The following ATP13A1 variants were observed in gnomAD, a reference collection of about 807,000 sequenced individuals.
ATP13A1 encodes ATPase 13A1.
A neutral mutation model predicts 134.8 loss-of-function variants in ATP13A1; 55 were observed. The observed-to-expected ratio is 0.41, with a 90% CI of 0.33 to 0.51. The LOEUF (loss-of-function observed/expected upper bound fraction) is 0.51. ATP13A1 is among the 20% of genes least tolerant of loss of function. ATP13A1 has a pLI of 0.29. For synonymous variants in ATP13A1, 775 were observed against 725.1 expected (o/e 1.07, Z -1.10); for missense variants, 1,389 against 1,652.8 (o/e 0.84, Z 2.77).
chr19:19,655,128 G>A lies in ATP13A1; in HGVS notation c.1646C>T (p.Ala549Val). 6.2e-7 allele frequency: 1 copy of A among 1,613,816 alleles called. No homozygotes were observed. Among genetic ancestry groups the A allele is most frequent in the Non-Finnish European group, 8.5e-7 (1 of 1,179,860 alleles). ...GGCCCCTGATGCTTACCTCAGCCCGGCCACACCGCGCACCACCAGGCTGTC... is the reference window on the plus strand; with the variant it reads ...GGCCCCTGATGCTTACCTCAGCCCGACCACACCGCGCACCACCAGGCTGTC... The part of the protein sequence containing the change: ...TSDSLVVRGV[A>V]GLRDGKEVTP... Residue 549 changes from alanine (A) to valine (V), a missense_variant, in exon 12 of 26, where the codon GCC becomes GTC. By Grantham distance (64) the Ala-to-Val change is moderately conservative (BLOSUM62 0). Around this residue, in one of 4 missense-constraint regions of ATP13A1, gnomAD observed 747 missense variants for 956.1 expected, o/e 0.78. Coordinates refer to ENST00000357324, the MANE Select transcript of ATP13A1 (RefSeq NM_020410.3). The surrounding 1 kb of genome is among the most constrained non-coding windows in gnomAD (Gnocchi z 5.7).
Position 19,655,852 on chromosome 19 carries a change from C to A in ATP13A1, c.1269+26G>T. 2 of 1,564,132 alleles carry A rather than the reference C, an allele frequency of 1.3e-6. No homozygotes were observed. Among genetic ancestry groups the A allele is most frequent in the Non-Finnish European group, 1.7e-6 (2 of 1,160,464 alleles). ...TTGGCTGTCCAACTGCCCTGGGGCC[C>A]GCCCTCCCCAGACCTGGCCCCGCAC... On this transcript the variant is annotated intron_variant, in intron 9 of 25. Coordinates refer to ENST00000357324, the MANE Select transcript of ATP13A1 (RefSeq NM_020410.3). The surrounding 1 kb of genome is among the most constrained non-coding windows in gnomAD (Gnocchi z 5.7).
At position 19,655,473 on chromosome 19, in the gene ATP13A1, C is replaced by T. The variant is rs369062248; in HGVS notation, c.1397-20G>A. 3 of 1,613,964 alleles carry T rather than the reference C, an allele frequency of 1.9e-6. No homozygotes were observed. Among genetic ancestry groups the T allele is most frequent in the Non-Finnish European group, 2.5e-6 (3 of 1,179,872 alleles). ...TGGTACCTGTGGAGACAGGGCCTGC[C>T]AACCTGGAGCCTCGGAGGGTGGGCG... On this transcript the variant is annotated intron_variant, in intron 10 of 25. Transcript: ENST00000357324. This position sits in a 1 kb window ranked among gnomAD's most constrained non-coding sequence, Gnocchi z 5.7.
chr19:19,652,775 G>GC (rs1300687630), intron 15 of ATP13A1, 55 bp from the exon 16 acceptor site: 2 of 1,551,412 alleles, frequency 1.3e-6, no homozygotes, highest in Non-Finnish European at 8.7e-7. Context: ...CCCACACTCT[G>GC]CATTTCCTGA....
intron 13 of ATP13A1, 85 bp from the exon 14 acceptor site, chr19:19,654,229 C>T (rs987105994): frequency 2.2e-5 from 30 of 1,357,528 alleles, no homozygotes; most frequent in Non-Finnish European, 1.5e-5. Flanking sequence ...CCTCCCCCAC[C>T]TCCCTCCTGC....
chr19:19,652,765 C>T (rs1222592976), intron 15 of ATP13A1, 45 bp from the exon 16 acceptor site: 1 of 1,566,166 alleles, frequency 6.4e-7, no homozygotes, highest in Middle Eastern at 1.7e-4. Context: ...CCTCCCTCTG[C>T]CCACACTCTG....
chr19:19,663,275 G>A lies in ATP13A1; in HGVS notation c.392C>T (p.Thr131Ile), dbSNP rs1242597216. Residue 131 changes from threonine (T) to isoleucine (I), a missense_variant, in exon 1 of 26, where the codon ACC (threonine) becomes ATC (isoleucine). Physicochemically the swap from Thr to Ile is moderately conservative, Grantham distance 89. Around this residue, in one of 4 missense-constraint regions of ATP13A1, gnomAD observed 293 missense variants for 270.8 expected, o/e 1.08. Transcript: ENST00000357324. ...GGCTCGCGTGTACACACTTACCGGG[G>A]TGCAGGTGAGCGCGCAATGCGCGTG... The part of the protein sequence containing the change: ...SVHAHCALTC[T>I]PEYDPSKATF... 3 of 1,579,756 alleles carry A rather than the reference G, an allele frequency of 1.9e-6. No individual in the cohort carries two copies. Among genetic ancestry groups the A allele is most frequent in the Non-Finnish European group, 2.6e-6 (3 of 1,164,458 alleles).
chr19:19,659,123 C>A (rs1454350772), intron 3 of ATP13A1, among the ~76,000 whole-genome samples: 2 of 152,088 alleles, frequency 1.3e-5, no homozygotes, highest in Non-Finnish European at 2.9e-5. Context: ...GAGCATGTTG[C>A]TCAAGCGGCA....
At chr19:19,650,017 C>T in intron 17 of ATP13A1, 77 bp from the exon 18 acceptor site, 4 of 1,320,160 alleles carry the variant, frequency 3.0e-6, no homozygotes, top group Non-Finnish European at 4.1e-6. Context: ...ACTCGGACCC[C>T]AGCACCAGCC....
intron 17 of ATP13A1, 147 bp from the exon 18 acceptor site, chr19:19,650,087 C>A: frequency 2.9e-6 from 2 of 685,350 alleles, no homozygotes; most frequent in Non-Finnish European, 4.9e-6. Context: ...CAGCCCTTCT[C>A]TGGGGACTCC....
Position 19,652,512 on chromosome 19 carries a change from C to G in ATP13A1, c.2226+83G>C, listed in dbSNP as rs541879537. 2.0e-6 allele frequency: 3 copies of G among 1,497,250 alleles called. No homozygotes were observed. In the East Asian group the frequency reaches 7.3e-5, roughly 37 times the overall value. 92.7% of individuals were successfully genotyped at this position (1,497,250 alleles called of 1,614,324 possible). ...ACATGCAGCCTGTGAGACTTGGGTG[C>G]CCACCCCTACCACGAAGCTGTAATT... On this transcript the variant is annotated intron_variant, in intron 16 of 25. Coordinates refer to ENST00000357324, the MANE Select transcript of ATP13A1 (RefSeq NM_020410.3).
Position 19,659,644 on chromosome 19 carries a change from C to A in ATP13A1, c.634G>T (p.Asp212Tyr), listed in dbSNP as rs531803073. The A allele has an allele frequency of 2.5e-6, 4 of 1,613,756 alleles. No homozygotes were observed. In the African/African-American group the frequency reaches 4.0e-5, roughly 16 times the overall value. ...YYQSNRGFQE[D>Y]SEIRAAEKKF... ...TTCTCAGCTGCTCGGATCTCTGAGT[C>A]TTCCTGGAAGCCTCTGTTGCTCTGA... The change falls in exon 3 of 26, where the codon GAC becomes TAC. Residue 212 changes from aspartate to tyrosine, a missense_variant. By Grantham distance (160) the Asp-to-Tyr change is radical (BLOSUM62 -3). Around this residue, in one of 4 missense-constraint regions of ATP13A1, gnomAD observed 747 missense variants for 956.1 expected, o/e 0.78. Transcript: ENST00000357324.
Position 19,649,887 on chromosome 19 carries a change from G to A in ATP13A1, c.2389C>T (p.Arg797Trp), listed in dbSNP as rs200835318. ...AGGGCCAGTGCCTTTGGGGAGCCCC[G>A]GGCCAGGGGCAGCACGATGCTGCCG... ...IDGSIVLPLA[R>W]GSPKALALEY... Residue 797 changes from arginine to tryptophan, a missense_variant, in exon 18 of 26, where the codon CGG (arginine) becomes TGG (tryptophan). Coordinates refer to ENST00000357324, the MANE Select transcript of ATP13A1 (RefSeq NM_020410.3). The A allele has an allele frequency of 1.2e-5, 19 of 1,601,148 alleles. No individual in the cohort carries two copies. The highest frequency in any genetic ancestry group is 8.9e-5 in the East Asian group (4 of 44,848).
At chr19:19,646,016 T>C (rs769321759) in intron 23 of ATP13A1, 31 bp from the exon 24 acceptor site, 2 of 1,607,638 alleles carry the variant, frequency 1.2e-6, no homozygotes, top group Non-Finnish European at 1.7e-6. Context: ...CAGGGCCCCC[T>C]CTCCTGCTCC....
At chr19:19,646,084 G>C in intron 23 of ATP13A1, 99 bp from the exon 24 acceptor site, 1 of 1,587,862 alleles carries the variant, frequency 6.3e-7, no homozygotes, top group Non-Finnish European at 8.6e-7. Context: ...GGCTCTGCCT[G>C]GCCTAGTGCC....
chr19:19,662,379 C>T, intron 1 of ATP13A1: 1 of 984,684 alleles, frequency 1.0e-6, no homozygotes, highest in African/African-American at 1.7e-5. Context: ...GGGCTTCTGT[C>T]TTTCTGTAGC....
chr19:19,654,110 C>G lies in ATP13A1; in HGVS notation c.1848G>C (p.Gln616His). Residue 616 changes from glutamine (Q) to histidine (H), a missense_variant, in exon 14 of 26, where the codon CAG (glutamine) becomes CAC (histidine). Physicochemically the swap from Gln to His is conservative, Grantham distance 24. Around this residue, in one of 4 missense-constraint regions of ATP13A1, gnomAD observed 747 missense variants for 956.1 expected, o/e 0.78. Transcript: ENST00000357324. The stretch of plus-strand genomic sequence containing the variant: ...GAAAGCGCTGGTGAATTTTCAGCCC[C>G]TGAGTTTTAATACTTCGGGGGAATA... ...EKVFPRSIKT[Q>H]GLKIHQRFHF... 1 of 1,592,704 alleles carries G rather than the reference C, an allele frequency of 6.3e-7. No individual in the cohort carries two copies. Among genetic ancestry groups the G allele is most frequent in the Non-Finnish European group, 8.5e-7 (1 of 1,169,738 alleles).
chr19:19,661,380 G>A lies in ATP13A1; in HGVS notation c.397-1393C>T, dbSNP rs149901849. Among the ~76,000 whole-genome samples, 854 of 152,276 alleles carry A rather than the reference G, an allele frequency of 5.6e-3. 2 individuals are homozygous for A. Among genetic ancestry groups the A allele is most frequent in the Middle Eastern group, 0.031 (9 of 294 alleles). ...CTCCACACGCACATGGGGCTCGATCGTGCCTCAGCAAAGGGCCTTGGCATG... is the reference window on the plus strand; with the variant it reads ...CTCCACACGCACATGGGGCTCGATCATGCCTCAGCAAAGGGCCTTGGCATG... On this transcript the variant is annotated intron_variant, in intron 1 of 25. Transcript: ENST00000357324.
rs2062039045 is a variant in ATP13A1, at chr19:19,653,720, G to A, written c.2100+64C>T. On this transcript the variant is annotated intron_variant, in intron 15 of 25. Transcript: ENST00000357324. The surrounding 1 kb of genome is among the most constrained non-coding windows in gnomAD (Gnocchi z 4.2). The stretch of plus-strand genomic sequence containing the variant: ...AACCTGGCACTGTGGGACACAGGAG[G>A]TGACTCAGGGAGGAGCTGACGGGCC... The A allele has an allele frequency of 1.4e-6, 2 of 1,387,968 alleles. No homozygotes were observed. Among genetic ancestry groups the A allele is most frequent in the Non-Finnish European group, 2.0e-6 (2 of 1,009,774 alleles). The allele number at this position is 1,387,968 out of a possible 1,614,324, so 86.0% of individuals were successfully genotyped here. A position where few individuals can be genotyped will look rare whatever the true frequency, so the allele number is the denominator to read the frequency against.
At position 19,653,714 on chromosome 19, in the gene ATP13A1, C is replaced by T. The variant is rs1311181222; in HGVS notation, c.2100+70G>A. On this transcript the variant is annotated intron_variant, in intron 15 of 25. Transcript: ENST00000357324. The surrounding 1 kb of genome is among the most constrained non-coding windows in gnomAD (Gnocchi z 4.2). ...CCATTCAACCTGGCACTGTGGGACACAGGAGGTGACTCAGGGAGGAGCTGA... is the reference window on the plus strand; with the variant it reads ...CCATTCAACCTGGCACTGTGGGACATAGGAGGTGACTCAGGGAGGAGCTGA... 2 of 1,354,566 alleles carry T rather than the reference C, an allele frequency of 1.5e-6. No individual in the cohort carries two copies. The highest frequency in any genetic ancestry group is 2.0e-6 in the Non-Finnish European group (2 of 981,888). The allele number at this position is 1,354,566 out of a possible 1,614,324, so 83.9% of individuals were successfully genotyped here. A position where few individuals can be genotyped will look rare whatever the true frequency, so the allele number is the denominator to read the frequency against.
Sources: gnomAD v4.1 joint callset for allele counts (sites outside exome capture counted in the v4.1 genomes callset) on GRCh38, gnomAD v4.1.1 for gene constraint, gnomAD v4.1.1 regional missense constraint, Gnocchi (gnomAD v3.1) non-coding constraint, MANE v1.5 for transcripts, NCBI Gene and HGNC (gene_info 2026-07-23, HGNC 2026-07-21) for gene names.